Variants in PDE8B observed in about 807,000 individuals in gnomAD.
PDE8B encodes high affinity cAMP-specific and IBMX-insensitive 3',5'-cyclic phosphodiesterase 8B.
A neutral mutation model predicts 101.3 loss-of-function variants in PDE8B; 26 were observed. The observed-to-expected ratio is 0.26, with a 90% CI of 0.19 to 0.36. The LOEUF is 0.36. Among genes scored for constraint, PDE8B ranks in the 10% least tolerant of loss-of-function variants. The pLI is 1.00. For synonymous variants in PDE8B, 424 were observed against 429.3 expected, an observed-to-expected ratio of 0.99 and a Z score of 0.15; for missense variants, 810 against 1,163.1, an observed-to-expected ratio of 0.70 and a Z score of 4.42.
chr5:77,198,855 C>A, the PDE8B span, among the ~76,000 whole-genome samples: 2 of 151,860 alleles, frequency 1.3e-5, no homozygotes, highest in Admixed American at 6.6e-5. Context: ...TTTCTCCATT[C>A]TTCTTCTACA....
chr5:77,298,339 G>A lies in PDE8B; in HGVS notation c.340-13655G>A, dbSNP rs145571983. ...TGTGGGCTCAGCCACAGAACATCAT[G>A]GCCTCTGTTACCCTAAGTTTCTTCC... On this transcript the variant is annotated intron_variant, in intron 1 of 21. Coordinates refer to ENST00000264917, the MANE Select transcript of PDE8B (RefSeq NM_003719.5). 4.0e-3 allele frequency among the ~76,000 whole-genome samples: 610 copies of A among 152,182 alleles called. 2 individuals carry two copies. Among genetic ancestry groups the A allele is most frequent in the Non-Finnish European group, 6.1e-3 (412 of 68,018 alleles).
chr5:77,360,210 T>G (rs1035798612), intron 10 of PDE8B, among the ~76,000 whole-genome samples: 7 of 152,128 alleles, frequency 4.6e-5, no homozygotes, highest in Admixed American at 4.6e-4. Context: ...TGAAGACCAC[T>G]AGGATTTAAA....
At chr5:77,243,908 G>T (rs1756324247) in intron 1 of PDE8B, among the ~76,000 whole-genome samples, 1 of 152,132 alleles carries the variant, frequency 6.6e-6, no homozygotes, top group South Asian at 2.1e-4. Flanking sequence ...TTAAGTCATT[G>T]CCAAAATGTT....
the PDE8B span, among the ~76,000 whole-genome samples, chr5:77,137,647 C>A: frequency 6.6e-6 from 1 of 152,150 alleles, no homozygotes; most frequent in Admixed American, 6.5e-5. Context: ...GTGTACCCTG[C>A]AGAAAAAGGC....
At position 77,258,935 on chromosome 5, in the gene PDE8B, T is replaced by C. The variant is rs566799336; in HGVS notation, c.339+47671T>C. 3.8e-4 allele frequency among the ~76,000 whole-genome samples: 58 copies of C among 152,080 alleles called. No homozygotes were observed. In the South Asian group the frequency reaches 0.012, roughly 32 times the overall value. ...GCAGTGAGAGGCAAAAAGGGAGAAA[T>C]TGGTTTTCTGAGGGTCTTCTAACTC... On this transcript the variant is annotated intron_variant, in intron 1 of 21. Coordinates refer to ENST00000264917, the MANE Select transcript of PDE8B (RefSeq NM_003719.5).
the PDE8B span, among the ~76,000 whole-genome samples, chr5:77,100,986 T>G: frequency 6.9e-6 from 1 of 145,618 alleles, no homozygotes; most frequent in South Asian, 2.2e-4. Context: ...TTTTTTTTTT[T>G]TGAGATAAGG....
chr5:77,158,335 C>T, the PDE8B span, among the ~76,000 whole-genome samples: 5 of 152,156 alleles, frequency 3.3e-5, no homozygotes, highest in African/African-American at 1.2e-4. Context: ...AGCAGAATGT[C>T]GACTGCCAGT....
chr5:77,379,840 T>C (rs1021169011), intron 10 of PDE8B, among the ~76,000 whole-genome samples: 4 of 152,232 alleles, frequency 2.6e-5, no homozygotes, highest in Admixed American at 6.5e-5. Flanking sequence ...TTCTGTACTA[T>C]ACCACTCACA....
intron 17 of PDE8B, among the ~76,000 whole-genome samples, chr5:77,417,136 T>C (rs966997433): frequency 3.9e-5 from 6 of 152,138 alleles, no homozygotes; most frequent in African/African-American, 1.4e-4. Context: ...CTAAATAAAA[T>C]TTAAAATGCA....
intron 1 of PDE8B, among the ~76,000 whole-genome samples, chr5:77,230,591 C>A (rs752485415): frequency 6.6e-6 from 1 of 152,128 alleles, no homozygotes; most frequent in Non-Finnish European, 1.5e-5. Context: ...CTCAGCCTCC[C>A]GAGTATCTAG....
At chr5:77,417,758 C>A (rs945932471) in intron 17 of PDE8B, among the ~76,000 whole-genome samples, 1 of 152,110 alleles carries the variant, frequency 6.6e-6, no homozygotes, top group Non-Finnish European at 1.5e-5. Context: ...CTGCTTGGTC[C>A]TCTTTTACCT....
At chr5:77,111,560 A>G in the PDE8B span, among the ~76,000 whole-genome samples, 1 of 152,228 alleles carries the variant, frequency 6.6e-6, no homozygotes, top group Non-Finnish European at 1.5e-5. Context: ...AGACATGCCA[A>G]TACTGAAATA....
chr5:77,292,631 CAT>C, intron 1 of PDE8B, among the ~76,000 whole-genome samples: 1 of 152,162 alleles, frequency 6.6e-6, no homozygotes, highest in East Asian at 1.9e-4. Flanking sequence ...AGAGGCTGAG[CAT>C]TGCTGCCTGG....
chr5:77,278,420 T>C (rs899633417), intron 1 of PDE8B, among the ~76,000 whole-genome samples: 3 of 152,238 alleles, frequency 2.0e-5, no homozygotes, highest in Non-Finnish European at 4.4e-5. Flanking sequence ...CTTTGAAGAA[T>C]TGTACTTGAG....
chr5:77,166,224 G>GGTAAAAA, the PDE8B span, among the ~76,000 whole-genome samples: 1 of 25,606 alleles, frequency 3.9e-5, no homozygotes, highest in African/African-American at 1.8e-4. Flanking sequence ...TTTCGGTAAA[G>GGTAAAAA]ATAAAAAAAA....
At chr5:77,369,214 A>AAAAAT in intron 10 of PDE8B, among the ~76,000 whole-genome samples, 1 of 151,560 alleles carries the variant, frequency 6.6e-6, no homozygotes, top group Admixed American at 6.6e-5. Flanking sequence ...AAAAAAAAAA[A>AAAAAT]AAAAAAAAAA....
intron 1 of PDE8B, among the ~76,000 whole-genome samples, chr5:77,233,837 C>G (rs996902904): frequency 1.3e-5 from 2 of 149,596 alleles, no homozygotes; most frequent in African/African-American, 4.9e-5. Context: ...AAGTTTGACT[C>G]TAGGCATGAG....
the PDE8B span, among the ~76,000 whole-genome samples, chr5:77,149,116 GAA>G: frequency 6.6e-6 from 1 of 152,110 alleles, no homozygotes; most frequent in Non-Finnish European, 1.5e-5. Flanking sequence ...CACTTGCTGA[GAA>G]AAGACTATCC....
chr5:77,301,600 A>G lies in PDE8B; in HGVS notation c.340-10394A>G, dbSNP rs1272561121. ...TCTCTATTACACAATGTAATTTTAC[A>G]TGCTTGAAGTCATCCGGCAGTGTCT... On this transcript the variant is annotated intron_variant, in intron 1 of 21. Coordinates refer to ENST00000264917, the MANE Select transcript of PDE8B (RefSeq NM_003719.5). Among the ~76,000 whole-genome samples, 3 of 152,220 alleles carry G rather than the reference A, an allele frequency of 2.0e-5. No homozygotes were observed. The East Asian group carries it at 5.8e-4, about 29-fold the overall frequency.
Sources: allele counts gnomAD v4.1 joint callset (sites outside exome capture counted in the v4.1 genomes callset), GRCh38; gene constraint gnomAD v4.1.1; transcripts MANE v1.5; gene names NCBI Gene and HGNC (gene_info 2026-07-23, HGNC 2026-07-21).